The following ZNF385D variants were observed in gnomAD, a reference collection of about 807,000 sequenced individuals.
ZNF385D encodes the protein zinc finger protein 385D, also known as zinc finger protein 659.
ZNF385D carries 15 observed loss-of-function variants against 35.8 expected under a neutral mutation model. That is an observed-to-expected ratio of 0.42 (90% CI 0.28 to 0.64). The LOEUF (loss-of-function observed/expected upper bound fraction) is 0.64. ZNF385D is among the 30% of genes least tolerant of loss of function. ZNF385D has a pLI of 0.23. For missense variants in ZNF385D, 474 were observed against 494.6 expected (o/e 0.96, Z 0.39); for synonymous variants, 212 against 186.8 (o/e 1.13, Z -1.10).
At chr3:22,325,603 A>G (rs1694638547) in intron 2 of ZNF385D, among the ~76,000 whole-genome samples, 1 of 152,056 alleles carries the variant, frequency 6.6e-6, no homozygotes. Flanking sequence ...TACTAAAATT[A>G]TAAAACTCAG....
chr3:22,074,194 T>G (rs1476279573), intron 3 of ZNF385D, among the ~76,000 whole-genome samples: 1 of 151,916 alleles, frequency 6.6e-6, no homozygotes, highest in African/African-American at 2.4e-5. Context: ...AGCTGTGCAA[T>G]TTGTCTGTGC....
intron 4 of ZNF385D, among the ~76,000 whole-genome samples, chr3:21,483,621 G>A (rs1313458300): frequency 6.6e-6 from 1 of 152,170 alleles, no homozygotes; most frequent in Non-Finnish European, 1.5e-5. Flanking sequence ...TCTAATAGGT[G>A]TGTAGAGGTA....
At chr3:22,329,493 C>T (rs1694836400) in intron 2 of ZNF385D, among the ~76,000 whole-genome samples, 1 of 152,086 alleles carries the variant, frequency 6.6e-6, no homozygotes, top group Non-Finnish European at 1.5e-5. Flanking sequence ...CTAAGTATAG[C>T]TTTACTTACT....
At chr3:21,515,305 C>G (rs1256649777) in intron 3 of ZNF385D, among the ~76,000 whole-genome samples, 1 of 152,044 alleles carries the variant, frequency 6.6e-6, no homozygotes, top group Non-Finnish European at 1.5e-5. Flanking sequence ...GCACCAATAC[C>G]TTGTATACTT....
intron 3 of ZNF385D, among the ~76,000 whole-genome samples, chr3:22,142,075 C>T (rs1341648901): frequency 6.6e-6 from 1 of 152,170 alleles, no homozygotes; most frequent in Non-Finnish European, 1.5e-5. Flanking sequence ...GAGAAGAAGA[C>T]TGTAATTCTC....
intron 3 of ZNF385D, among the ~76,000 whole-genome samples, chr3:22,090,946 C>T (rs1576302870): frequency 6.6e-6 from 1 of 152,206 alleles, no homozygotes; most frequent in East Asian, 1.9e-4. Context: ...TCAGGAGGAA[C>T]AGGTATACAC....
chr3:22,080,553 A>G (rs939863213), intron 3 of ZNF385D, among the ~76,000 whole-genome samples: 1 of 152,048 alleles, frequency 6.6e-6, no homozygotes, highest in Admixed American at 6.5e-5. Context: ...ACTCTTATAC[A>G]TATATGGTTG....
At chr3:21,762,070 G>A (rs535155669) in intron 3 of ZNF385D, among the ~76,000 whole-genome samples, 1 of 151,544 alleles carries the variant, frequency 6.6e-6, no homozygotes, top group South Asian at 2.1e-4. Flanking sequence ...GTAGAGACAG[G>A]GTTTCACCAT....
At chr3:21,810,729 T>C (rs1176658548) in intron 3 of ZNF385D, among the ~76,000 whole-genome samples, 2 of 152,028 alleles carry the variant, frequency 1.3e-5, no homozygotes, top group Non-Finnish European at 2.9e-5. Context: ...ATGTAATTAT[T>C]AAACAAAATG....
chr3:22,215,194 A>T (rs548083695), intron 2 of ZNF385D, among the ~76,000 whole-genome samples: 2 of 151,978 alleles, frequency 1.3e-5, no homozygotes, highest in Admixed American at 1.3e-4. Flanking sequence ...AACTGCACAA[A>T]TTGTTCGTAC....
chr3:21,986,153 G>A (rs1260922845), intron 3 of ZNF385D, among the ~76,000 whole-genome samples: 1 of 72,178 alleles, frequency 1.4e-5, no homozygotes, highest in Non-Finnish European at 2.4e-5. Flanking sequence ...AGGGTTTTTT[G>A]TGTCTCTATT....
intron 3 of ZNF385D, among the ~76,000 whole-genome samples, chr3:22,089,170 A>T (rs561994700): frequency 2.6e-5 from 4 of 152,340 alleles, no homozygotes; most frequent in Non-Finnish European, 2.9e-5. Flanking sequence ...CATGGCAGAT[A>T]TGCTTTTAAA....
intron 3 of ZNF385D, among the ~76,000 whole-genome samples, chr3:21,913,454 G>A (rs1312844569): frequency 4.6e-5 from 7 of 152,034 alleles, no homozygotes; most frequent in Admixed American, 1.3e-4. Flanking sequence ...AAATTCACTC[G>A]AAAGCATTTA....
chr3:22,038,270 C>T (rs1233578248), intron 3 of ZNF385D, among the ~76,000 whole-genome samples: 3 of 152,138 alleles, frequency 2.0e-5, no homozygotes, highest in Non-Finnish European at 4.4e-5. Flanking sequence ...TAGAGATGGG[C>T]TCTTAAATTA....
intron 3 of ZNF385D, among the ~76,000 whole-genome samples, chr3:21,777,124 T>C (rs2071319377): frequency 6.6e-6 from 1 of 151,954 alleles, no homozygotes; most frequent in South Asian, 2.1e-4. Flanking sequence ...TTAATTACAT[T>C]ATGTAAACTA....
intron 3 of ZNF385D, among the ~76,000 whole-genome samples, chr3:21,925,943 T>C (rs73820439): frequency 1.3e-5 from 2 of 152,164 alleles, no homozygotes; most frequent in Non-Finnish European, 2.9e-5. Flanking sequence ...ACTATGTAAC[T>C]ATCAGAATGG....
At chr3:21,867,696 T>A (rs1697447404) in intron 3 of ZNF385D, among the ~76,000 whole-genome samples, 3 of 151,880 alleles carry the variant, frequency 2.0e-5, no homozygotes, top group African/African-American at 7.3e-5. Context: ...TATTAATGCC[T>A]TTCAATGTCT....
At chr3:21,627,423 TTTA>T (rs1276243514) in intron 2 of ZNF385D, among the ~76,000 whole-genome samples, 9 of 152,024 alleles carry the variant, frequency 5.9e-5, no homozygotes, top group African/African-American at 2.2e-4. Context: ...AGAGTGATCC[TTTA>T]TTATGTCATT....
At chr3:21,557,074 C>T (rs2062767675) in intron 3 of ZNF385D, among the ~76,000 whole-genome samples, 1 of 152,104 alleles carries the variant, frequency 6.6e-6, no homozygotes, top group South Asian at 2.1e-4. Flanking sequence ...TGGGCTGAGA[C>T]AATTGGGTTA....
Sources: allele counts gnomAD v4.1 joint callset (sites outside exome capture counted in the v4.1 genomes callset), GRCh38; gene constraint gnomAD v4.1.1; transcripts MANE v1.5; gene names NCBI Gene and HGNC (gene_info 2026-07-23, HGNC 2026-07-21).